IMMP2L: variants seen among roughly 807,000 people sequenced by gnomAD.
IMMP2L encodes the protein inner mitochondrial membrane peptidase subunit 2.
A neutral mutation model predicts 19.3 loss-of-function variants in IMMP2L; 18 were observed. That is an observed-to-expected ratio of 0.93 (90% CI 0.64 to 1.38). The LOEUF is 1.38. Ranked by LOEUF, IMMP2L falls within the 40% of genes most tolerant of loss-of-function variation. The pLI is 0.00. For synonymous variants in IMMP2L, 76 were observed against 73.0 expected (o/e 1.04, Z -0.21); for missense variants, 233 against 218.2 (o/e 1.07, Z -0.43).
At chr7:111,171,136 G>T (rs544663175) in intron 3 of IMMP2L, among the ~76,000 whole-genome samples, 2 of 146,472 alleles carry the variant, frequency 1.4e-5, no homozygotes, top group South Asian at 4.5e-4. Context: ...AAGGCAATCA[G>T]CTTTTCTTCA....
intron 3 of IMMP2L, among the ~76,000 whole-genome samples, chr7:110,972,014 G>T (rs1381485178): frequency 6.6e-6 from 1 of 152,050 alleles, no homozygotes; most frequent in East Asian, 1.9e-4. Flanking sequence ...AGTAGAATAT[G>T]AAGTATCCTG....
chr7:110,671,397 T>C (rs541469617), intron 5 of IMMP2L, among the ~76,000 whole-genome samples: 3 of 152,250 alleles, frequency 2.0e-5, no homozygotes, highest in African/African-American at 4.8e-5. Context: ...CCATGGATCA[T>C]TGTATTCACT....
intron 2 of IMMP2L, among the ~76,000 whole-genome samples, chr7:111,502,287 G>T (rs1267083910): frequency 3.9e-5 from 6 of 152,106 alleles, no homozygotes; most frequent in Admixed American, 2.0e-4. Context: ...AAATATATAT[G>T]CACCCAATAC....
intron 3 of IMMP2L, among the ~76,000 whole-genome samples, chr7:111,187,551 T>A (rs1196607998): frequency 6.6e-6 from 1 of 152,168 alleles, no homozygotes; most frequent in Non-Finnish European, 1.5e-5. Flanking sequence ...TGGAGCCTGT[T>A]GGAAATGAGA....
intron 5 of IMMP2L, among the ~76,000 whole-genome samples, chr7:110,815,182 T>C (rs951111803): frequency 3.3e-5 from 5 of 152,278 alleles, no homozygotes; most frequent in African/African-American, 1.2e-4. Flanking sequence ...TGAAGCGCTG[T>C]TGAATTTTGT....
At chr7:111,162,884 T>C (rs1805422607) in intron 3 of IMMP2L, among the ~76,000 whole-genome samples, 1 of 151,894 alleles carries the variant, frequency 6.6e-6, no homozygotes, top group African/African-American at 2.4e-5. Context: ...ACTAACATAG[T>C]TTCTAACTGC....
At chr7:111,384,367 G>A (rs1831528413) in intron 3 of IMMP2L, among the ~76,000 whole-genome samples, 1 of 151,346 alleles carries the variant, frequency 6.6e-6, no homozygotes. Context: ...GGGAGGAGGG[G>A]GAATTGTATC....
At position 111,542,986 on chromosome 7, in the gene IMMP2L, T is replaced by C. The variant is rs573356644; in HGVS notation, c.-3+18865A>G. On this transcript the variant is annotated intron_variant, in intron 1 of 5. Transcript: ENST00000405709. ...TTTTGCAATTTATCTTCTACATTTA[T>C]TACCTGGATCTTCTAACACTCGACT... 2.0e-5 allele frequency among the ~76,000 whole-genome samples: 3 copies of C among 152,266 alleles called. No individual in the cohort carries two copies. The South Asian group carries it at 6.2e-4, about 32-fold the overall frequency.
chr7:111,188,010 G>T (rs536106242), intron 3 of IMMP2L, among the ~76,000 whole-genome samples: 1 of 151,968 alleles, frequency 6.6e-6, no homozygotes, highest in Non-Finnish European at 1.5e-5. Context: ...AGTTGATTTG[G>T]GATATGTCAG....
At chr7:110,675,578 G>C (rs1355339557) in intron 5 of IMMP2L, among the ~76,000 whole-genome samples, 1 of 152,138 alleles carries the variant, frequency 6.6e-6, no homozygotes, top group East Asian at 1.9e-4. Context: ...CTTGCTTAAA[G>C]GAACAAAGTT....
intron 3 of IMMP2L, among the ~76,000 whole-genome samples, chr7:111,075,116 CTTTTTTTTTTT>C (rs55867543): frequency 3.1e-4 from 23 of 75,276 alleles, no homozygotes; most frequent in African/African-American, 8.6e-4. Flanking sequence ...TGTTTTCAGA[CTTTTTTTTTTT>C]TTTTTTTTTT....
At chr7:111,326,200 T>C (rs1825298878) in intron 3 of IMMP2L, among the ~76,000 whole-genome samples, 1 of 151,716 alleles carries the variant, frequency 6.6e-6, no homozygotes, top group South Asian at 2.1e-4. Flanking sequence ...TGAAGGCAAT[T>C]AGTTCATCAT....
intron 3 of IMMP2L, among the ~76,000 whole-genome samples, chr7:111,226,223 G>A (rs1462627858): frequency 2.0e-5 from 3 of 151,742 alleles, no homozygotes; most frequent in Non-Finnish European, 2.9e-5. Flanking sequence ...GCACAATCAC[G>A]GCTCACTGCA....
At chr7:111,527,217 G>A (rs1339522649) in intron 1 of IMMP2L, among the ~76,000 whole-genome samples, 3 of 152,172 alleles carry the variant, frequency 2.0e-5, no homozygotes, top group South Asian at 4.2e-4. Flanking sequence ...TCAGGAGTTC[G>A]AGGCCAGCCT....
intron 5 of IMMP2L, among the ~76,000 whole-genome samples, chr7:110,701,621 C>A (rs1003564346): frequency 1.3e-5 from 2 of 152,082 alleles, no homozygotes; most frequent in African/African-American, 2.4e-5. Flanking sequence ...GACAGGGTTT[C>A]GCCATGTTGG....
At chr7:110,930,513 G>A (rs1585311284) in intron 4 of IMMP2L, among the ~76,000 whole-genome samples, 2 of 152,218 alleles carry the variant, frequency 1.3e-5, no homozygotes, top group Middle Eastern at 6.8e-3. Context: ...AGCTATATAG[G>A]TAGGTTATAT....
intron 5 of IMMP2L, among the ~76,000 whole-genome samples, chr7:110,744,212 G>A (rs925175106): frequency 3.3e-5 from 5 of 152,162 alleles, no homozygotes; most frequent in African/African-American, 1.2e-4. Flanking sequence ...TCCTCTCTGA[G>A]CAGGGAATCT....
chr7:111,309,062 T>A lies in IMMP2L; in HGVS notation c.239+178176A>T, dbSNP rs530922989. Among the ~76,000 whole-genome samples the A allele has an allele frequency of 3.9e-5, 6 of 152,256 alleles. No homozygotes were observed. The South Asian group carries it at 8.3e-4, about 21-fold the overall frequency. On this transcript the variant is annotated intron_variant, in intron 3 of 5. Transcript: ENST00000405709. Reference sequence around the variant, plus strand: ...GTAGAATAAAGTACAGAACCGCACCTGCATATAATCCAATAAACACAATAA... The same window carrying A: ...GTAGAATAAAGTACAGAACCGCACCAGCATATAATCCAATAAACACAATAA...
intron 1 of IMMP2L, among the ~76,000 whole-genome samples, chr7:111,554,408 C>T (rs1791025407): frequency 1.3e-5 from 2 of 152,090 alleles, no homozygotes; most frequent in African/African-American, 4.8e-5. Context: ...GCCCCTTCTG[C>T]TGCTATCGTG....
Sources: gnomAD v4.1 joint callset for allele counts (sites outside exome capture counted in the v4.1 genomes callset) on GRCh38, gnomAD v4.1.1 for gene constraint, MANE v1.5 for transcripts, NCBI Gene and HGNC (gene_info 2026-07-23, HGNC 2026-07-21) for gene names.